Variants in GRIA3 observed in about 807,000 individuals in gnomAD.
GRIA3 encodes the protein glutamate receptor 3.
Under a neutral mutation model 63.0 loss-of-function variants are expected in GRIA3, and 3 were observed. The ratio of observed to expected loss-of-function variants is 0.05; its 90% CI spans 0.02 to 0.12. The LOEUF (loss-of-function observed/expected upper bound fraction) is 0.12. Among genes scored for constraint, GRIA3 ranks in the 10% least tolerant of loss-of-function variants. The probability of loss-of-function intolerance (pLI) is 1.00; values close to 1 mark genes in which losing one functional copy is unlikely to be tolerated. For synonymous variants in GRIA3, 274 were observed against 257.9 expected, an observed-to-expected ratio of 1.06 and a Z score of -0.60; for missense variants, 347 against 700.9, an observed-to-expected ratio of 0.50 and a Z score of 5.70.
chrX:123,401,239 G>A (rs944505241), intron 7 of GRIA3, among the ~76,000 whole-genome samples: 7 of 111,769 alleles, frequency 6.3e-5, no homozygotes, highest in African/African-American at 9.7e-5. Context: ...CAAATCATGC[G>A]TCTGGAATCT....
At chrX:123,265,879 A>G (rs1484017475) in intron 3 of GRIA3, among the ~76,000 whole-genome samples, 1 of 111,577 alleles carries the variant, frequency 9.0e-6, no homozygotes, top group African/African-American at 3.3e-5. Flanking sequence ...CAATGCCTAG[A>G]TAGTAGATTA....
At chrX:123,452,077 A>C (rs1289636511) in intron 12 of GRIA3, among the ~76,000 whole-genome samples, 2 of 112,123 alleles carry the variant, frequency 1.8e-5, no homozygotes, top group Non-Finnish European at 3.8e-5. Flanking sequence ...GTGCTTAATA[A>C]ATGGTAGCCC....
rs1015583532 is a variant in GRIA3 at position 123,270,847 on chromosome X, C to T, written c.508+17305C>T. 2.7e-5 allele frequency among the ~76,000 whole-genome samples: 3 copies of T among 112,388 alleles called. No homozygotes were observed. The Admixed American group carries it at 2.8e-4, about 11-fold the overall frequency. On this transcript the variant is annotated intron_variant, in intron 3 of 15. Transcript: ENST00000620443. ...AATGATTAAAATTGTATAAAAGCAT[C>T]AACATGAAATCACATTTAGTTAGTA...
chrX:123,217,280 G>A (rs976731004), intron 2 of GRIA3, among the ~76,000 whole-genome samples: 17 of 111,152 alleles, frequency 1.5e-4, no homozygotes, highest in East Asian at 2.8e-4. Flanking sequence ...CAGGCCTCTC[G>A]TAAGGCAGCC....
intron 12 of GRIA3, among the ~76,000 whole-genome samples, chrX:123,464,659 G>A (rs1307723799): frequency 9.0e-6 from 1 of 111,325 alleles, no homozygotes; most frequent in Non-Finnish European, 1.9e-5. Flanking sequence ...AAATATCAGA[G>A]AGCATCACAC....
intron 2 of GRIA3, among the ~76,000 whole-genome samples, chrX:123,208,673 G>T (rs903276768): frequency 8.9e-6 from 1 of 111,846 alleles, no homozygotes; most frequent in South Asian, 3.7e-4. Flanking sequence ...GGGATATAAA[G>T]GACCTTAAAG....
chrX:123,232,702 T>C (rs1175991162), intron 2 of GRIA3, among the ~76,000 whole-genome samples: 1 of 111,428 alleles, frequency 9.0e-6, no homozygotes, highest in African/African-American at 3.3e-5. Context: ...ATATACCTAC[T>C]ATGTACCCAC....
At chrX:123,320,007 C>T (rs2044857665) in intron 3 of GRIA3, among the ~76,000 whole-genome samples, 1 of 111,654 alleles carries the variant, frequency 9.0e-6, no homozygotes, top group African/African-American at 3.3e-5. Flanking sequence ...CTTGGCCATC[C>T]ATTTTTCATA....
In GRIA3 at chrX:123,489,484, A is replaced by T. The variant is rs1414193028; in HGVS notation, c.*774A>T. 1 of 112,595 alleles carries T rather than the reference A, an allele frequency of 8.9e-6. No homozygotes were observed. The highest frequency in any genetic ancestry group is 1.9e-5 in the Non-Finnish European group (1 of 53,299). The allele number at this position is 112,595 out of a possible 1,213,427, so 9.3% of individuals were successfully genotyped here. On this transcript the variant is annotated 3_prime_UTR_variant, in exon 16 of 16. Transcript: ENST00000620443. The stretch of plus-strand genomic sequence containing the variant: ...AGCTTTCGAAATTGACTTTGTGTGT[A>T]GCAAGGGACGGGGCACTATCAGGAT...
intron 2 of GRIA3, among the ~76,000 whole-genome samples, chrX:123,233,366 G>A (rs1173744183): frequency 1.8e-5 from 2 of 111,877 alleles, no homozygotes; most frequent in African/African-American, 6.5e-5. Context: ...GATATTCCAT[G>A]TTCACATCCT....
chrX:123,483,088 G>C, intron 15 of GRIA3, 42 bp downstream of exon 15: 1 of 1,041,572 alleles, frequency 9.6e-7, no homozygotes, highest in Non-Finnish European at 1.3e-6. Context: ...TTACTTTACT[G>C]TATGTCAATC....
chrX:123,299,638 T>G (rs569842161), intron 3 of GRIA3, among the ~76,000 whole-genome samples: 1 of 111,554 alleles, frequency 9.0e-6, no homozygotes, highest in Non-Finnish European at 1.9e-5. Flanking sequence ...GCTGAGACTA[T>G]GGAATTTTCT....
At chrX:123,364,096 C>T (rs754489646) in intron 5 of GRIA3, among the ~76,000 whole-genome samples, 2 of 112,201 alleles carry the variant, frequency 1.8e-5, no homozygotes, top group South Asian at 7.4e-4. Flanking sequence ...ATGCAAACAG[C>T]ACTAGAATTC....
At chrX:123,318,745 C>G (rs1298098041) in intron 3 of GRIA3, among the ~76,000 whole-genome samples, 1 of 111,820 alleles carries the variant, frequency 8.9e-6, no homozygotes, top group Admixed American at 9.5e-5. Flanking sequence ...TCTGAGCCCT[C>G]CAAACTGTTC....
At chrX:123,265,382 G>A (rs921434208) in intron 3 of GRIA3, among the ~76,000 whole-genome samples, 3 of 111,648 alleles carry the variant, frequency 2.7e-5, no homozygotes, top group African/African-American at 6.5e-5. Flanking sequence ...TCATTAACAC[G>A]TATTTTATAT....
At chrX:123,204,375 C>T (rs1927827039) in intron 2 of GRIA3, 2 of 1,143,817 alleles carry the variant, frequency 1.7e-6, no homozygotes, top group Non-Finnish European at 2.3e-6. Context: ...TAGTGCTGAA[C>T]AATATTTTAC....
At chrX:123,368,249 C>T (rs2045225891) in intron 5 of GRIA3, among the ~76,000 whole-genome samples, 1 of 111,263 alleles carries the variant, frequency 9.0e-6, no homozygotes, top group South Asian at 3.9e-4. Flanking sequence ...ATGGAACTTT[C>T]TGGAAAAGGT....
intron 12 of GRIA3, among the ~76,000 whole-genome samples, chrX:123,442,793 G>A (rs1264841595): frequency 1.8e-5 from 2 of 109,823 alleles, no homozygotes; most frequent in African/African-American, 6.6e-5. Context: ...AGGTAACCAA[G>A]AGCCACTCTT....
chrX:123,337,391 G>A (rs953723765), intron 4 of GRIA3, among the ~76,000 whole-genome samples: 3 of 111,977 alleles, frequency 2.7e-5, no homozygotes, highest in Non-Finnish European at 5.6e-5. Context: ...TATCTCAATA[G>A]CAGAAATCAT....
Sources: gnomAD v4.1 joint callset for allele counts (sites outside exome capture counted in the v4.1 genomes callset) on GRCh38, gnomAD v4.1.1 for gene constraint, MANE v1.5 for transcripts, NCBI Gene and HGNC (gene_info 2026-07-23, HGNC 2026-07-21) for gene names.